SEMA4F: variants seen among roughly 807,000 people sequenced by gnomAD.
SEMA4F encodes the protein semaphorin-4F.
Under a neutral mutation model 78.4 loss-of-function variants are expected in SEMA4F, and 51 were observed. That is an observed-to-expected ratio of 0.65 (90% confidence interval 0.52 to 0.82). The LOEUF is 0.82. SEMA4F is among the 40% of genes least tolerant of loss of function. The probability of loss-of-function intolerance (pLI) is 0.00; values close to 1 mark genes in which losing one functional copy is unlikely to be tolerated. For synonymous variants in SEMA4F, 418 were observed against 408.7 expected, an observed-to-expected ratio of 1.02 and a Z score of -0.27; for missense variants, 938 against 1,014.4, an observed-to-expected ratio of 0.92 and a Z score of 1.02.
intron 5 of SEMA4F, among the ~76,000 whole-genome samples, chr2:74,664,143 A>G (rs1265452533): frequency 6.6e-6 from 1 of 152,260 alleles, no homozygotes; most frequent in Non-Finnish European, 1.5e-5. Context: ...TTCCAAATTC[A>G]GTGAAAAGCC....
At position 74,682,707 on chromosome 2, in the gene SEMA4F, T is replaced by C. The variant is rs950782742; in HGVS notation, c.*2498T>C. 4 of 152,264 alleles carry C rather than the reference T, an allele frequency of 2.6e-5. No individual in the cohort carries two copies. Among genetic ancestry groups the C allele is most frequent in the Admixed American group, 6.5e-5 (1 of 15,298 alleles). 9.4% of individuals were successfully genotyped at this position (152,264 alleles called of 1,614,324 possible). A position where few individuals can be genotyped will look rare whatever the true frequency, so the allele number is the denominator to read the frequency against. ...CTTGAGGTTGTGGCCTAGTTCCTCT[T>C]TGGGGGAGGGAGGAAGGTGGGGAGA... On this transcript the variant is annotated 3_prime_UTR_variant, in exon 14 of 14. Transcript: ENST00000357877.
At chr2:74,697,098 A>G in the SEMA4F span, among the ~76,000 whole-genome samples, 1 of 152,324 alleles carries the variant, frequency 6.6e-6, no homozygotes, top group South Asian at 2.1e-4. Context: ...ACCATTTTGC[A>G]TTTCCATGAA....
At position 74,683,544 on chromosome 2, in the gene SEMA4F, T is replaced by A. The variant is rs1390297988; in HGVS notation, c.*3335T>A. The A allele has an allele frequency of 6.6e-6, 1 of 152,316 alleles. No homozygotes were observed. Among genetic ancestry groups the A allele is most frequent in the African/African-American group, 2.4e-5 (1 of 41,418 alleles). 9.4% of individuals were successfully genotyped at this position (152,316 alleles called of 1,614,324 possible). A position where few individuals can be genotyped will look rare whatever the true frequency, so the allele number is the denominator to read the frequency against. ...GTGACAGACCTCTGCTGGGATGGAA[T>A]GTGTGTTTGCTGGAGACAGCTGTGG... On this transcript the variant is annotated 3_prime_UTR_variant, in exon 14 of 14. Coordinates refer to ENST00000357877, the MANE Select transcript of SEMA4F (RefSeq NM_004263.5).
chr2:74,662,596 G>A, intron 4 of SEMA4F, 136 bp from the exon 5 acceptor site: 1 of 738,888 alleles, frequency 1.4e-6, no homozygotes, highest in Non-Finnish European at 2.5e-6. Flanking sequence ...GGTAATATGG[G>A]GATGATAGTT....
intron 5 of SEMA4F, among the ~76,000 whole-genome samples, chr2:74,664,524 A>G (rs1399783601): frequency 6.6e-6 from 1 of 152,162 alleles, no homozygotes; most frequent in Non-Finnish European, 1.5e-5. Context: ...TGAACATTTA[A>G]TGGCTCATTA....
At position 74,680,640 on chromosome 2, in the gene SEMA4F, A is replaced by G. The variant is rs1196587279; in HGVS notation, c.*431A>G. 6.2e-6 allele frequency: 1 copy of G among 160,480 alleles called. No individual in the cohort carries two copies. The highest frequency in any genetic ancestry group is 1.4e-5 in the Non-Finnish European group (1 of 73,474). The allele number at this position is 160,480 out of a possible 1,614,324, so 9.9% of individuals were successfully genotyped here. On this transcript the variant is annotated 3_prime_UTR_variant, in exon 14 of 14. Transcript: ENST00000357877. ...TTGGGGTGGTTCTGCTTATTCTTCA[A>G]GTTTATCTGAATCTGTGGGGAGTGC...
chr2:74,675,941 T>G (rs749839698), intron 12 of SEMA4F, 32 bp downstream of exon 12: 1 of 1,592,472 alleles, frequency 6.3e-7, no homozygotes, highest in East Asian at 2.2e-5. Flanking sequence ...TCTTGCTTAC[T>G]GTGCCAGGGC....
chr2:74,677,039 T>C (rs1294379453), intron 12 of SEMA4F, among the ~76,000 whole-genome samples: 1 of 152,024 alleles, frequency 6.6e-6, no homozygotes, highest in Non-Finnish European at 1.5e-5. Flanking sequence ...ATAGCTGGGA[T>C]TACAGGTGCC....
chr2:74,699,808 A>T, the SEMA4F span, among the ~76,000 whole-genome samples: 1 of 151,998 alleles, frequency 6.6e-6, no homozygotes, highest in Admixed American at 6.6e-5. Context: ...CTAATATAGC[A>T]GAGGCCCAGG....
chr2:74,660,682 A>G (rs1021968927), intron 4 of SEMA4F, among the ~76,000 whole-genome samples: 1 of 152,238 alleles, frequency 6.6e-6, no homozygotes, highest in Non-Finnish European at 1.5e-5. Context: ...TGACCATGCA[A>G]TAATCATAAC....
intron 5 of SEMA4F, 103 bp downstream of exon 5, chr2:74,662,928 T>C (rs1684501122): frequency 9.8e-7 from 1 of 1,021,982 alleles, no homozygotes; most frequent in Non-Finnish European, 1.5e-6. Flanking sequence ...GAATGTCTAT[T>C]ATTCTCATGT....
chr2:74,684,658 A>T (rs932147415), downstream of SEMA4F, among the ~76,000 whole-genome samples: 5 of 152,144 alleles, frequency 3.3e-5, no homozygotes, highest in Non-Finnish European at 7.4e-5. Flanking sequence ...AGTACTAAGC[A>T]TTTGTGCCTA....
chr2:74,704,446 T>C, the SEMA4F span, among the ~76,000 whole-genome samples: 1 of 151,468 alleles, frequency 6.6e-6, no homozygotes, highest in Non-Finnish European at 1.5e-5. Context: ...TACGTGGCCT[T>C]GAGCAAGTTG....
the SEMA4F span, among the ~76,000 whole-genome samples, chr2:74,697,697 G>A: frequency 3.3e-5 from 5 of 152,162 alleles, no homozygotes; most frequent in Non-Finnish European, 5.9e-5. Context: ...CCAGGCTCCA[G>A]GCTTTAGATA....
rs1683993606 is a variant in SEMA4F, at chr2:74,654,334, AGGCC to A, written c.-41_-38del. The A allele has an allele frequency of 7.0e-7, 1 of 1,428,874 alleles. No individual in the cohort carries two copies. The highest frequency in any genetic ancestry group is 1.5e-5 in the South Asian group (1 of 68,684). The allele number at this position is 1,428,874 out of a possible 1,614,324, so 88.5% of individuals were successfully genotyped here. On this transcript the variant is annotated 5_prime_UTR_variant, in exon 1 of 14. Coordinates refer to ENST00000357877, the MANE Select transcript of SEMA4F (RefSeq NM_004263.5). ...CCAGTAGCCCCGGGGCCCTGAGCAG[AGGCC>A]GTAGCTTGCGCCGCACCCGCGGCCA...
At chr2:74,691,974 A>G in the SEMA4F span, among the ~76,000 whole-genome samples, 2 of 152,190 alleles carry the variant, frequency 1.3e-5, no homozygotes, top group East Asian at 3.9e-4. Flanking sequence ...AACAGTGTCC[A>G]GCCTTACGGA....
rs761770421 is a variant in SEMA4F, at chr2:74,680,143, C to T, written c.2247C>T (p.Cys749=). The T allele has an allele frequency of 2.2e-5, 36 of 1,606,772 alleles. No individual in the cohort carries two copies. Among genetic ancestry groups the T allele is most frequent in the Middle Eastern group, 3.3e-4 (2 of 6,058 alleles). Residue 749 remains cysteine (C), a synonymous_variant, in exon 14 of 14, where the codon TGC becomes TGT. Transcript: ENST00000357877. The part of the protein sequence containing the change: ...GFSPPFLLDP[C]PSPAHIRLTG... Reference sequence around the variant, plus strand: ...CACCACCCTTCCTGCTTGATCCTTGCCCAAGCCCAGCCCACATTCGGCTAA... The same window carrying T: ...CACCACCCTTCCTGCTTGATCCTTGTCCAAGCCCAGCCCACATTCGGCTAA...
Position 74,675,026 on chromosome 2 carries a change from A to C in SEMA4F, c.1140A>C (p.Arg380Ser). The C allele has an allele frequency of 6.2e-7, 1 of 1,613,662 alleles. No individual in the cohort carries two copies. The highest frequency in any genetic ancestry group is 8.5e-7 in the Non-Finnish European group (1 of 1,179,962). ...PVVDNDVPQP[R>S]PGECITNNMK... Reference sequence around the variant, plus strand: ...TGGACAATGATGTGCCCCAGCCCAGACCTGGAGAGGTGAGGGGGCAGATCT... The same window carrying C: ...TGGACAATGATGTGCCCCAGCCCAGCCCTGGAGAGGTGAGGGGGCAGATCT... Residue 380 changes from arginine to serine, a missense_variant, in exon 9 of 14, where the codon AGA becomes AGC. Arg to Ser is a moderately radical substitution (Grantham distance 110). Transcript: ENST00000357877.
rs1477528834 is a variant in SEMA4F, at chr2:74,654,312, G to A, written c.-65G>A. 2.2e-6 allele frequency: 3 copies of A among 1,376,216 alleles called. No individual in the cohort carries two copies. The highest frequency in any genetic ancestry group is 3.3e-5 in the South Asian group (2 of 60,832). The allele number at this position is 1,376,216 out of a possible 1,614,324, so 85.3% of individuals were successfully genotyped here. A position where few individuals can be genotyped will look rare whatever the true frequency, so the allele number is the denominator to read the frequency against. ...GAGGACCCGAGTGGGGCCGAGGCCA[G>A]TAGCCCCGGGGCCCTGAGCAGAGGC... is the stretch of plus-strand genomic sequence containing the variant. On this transcript the variant is annotated 5_prime_UTR_variant, in exon 1 of 14. Coordinates refer to ENST00000357877, the MANE Select transcript of SEMA4F (RefSeq NM_004263.5).
Sources: allele counts gnomAD v4.1 joint callset (sites outside exome capture counted in the v4.1 genomes callset), GRCh38; gene constraint gnomAD v4.1.1; transcripts MANE v1.5; gene names NCBI Gene and HGNC (gene_info 2026-07-23, HGNC 2026-07-21).